The following CASP6 variants were observed in gnomAD, a reference collection of about 807,000 sequenced individuals.
CASP6 encodes caspase-6.
CASP6 carries 20 observed loss-of-function variants against 31.8 expected under a neutral mutation model. The observed-to-expected ratio is 0.63, with a 90% CI of 0.44 to 0.91. The LOEUF is 0.91. Ranked by LOEUF, CASP6 falls within the 40% of genes least tolerant of loss-of-function variation. The pLI is 0.00. For synonymous variants in CASP6, 130 were observed against 127.8 expected (o/e 1.02, Z -0.12); for missense variants, 328 against 361.1 (o/e 0.91, Z 0.74).
At chr4:109,669,976 T>G in the CASP6 span, among the ~76,000 whole-genome samples, 1 of 152,264 alleles carries the variant, frequency 6.6e-6, no homozygotes, top group African/African-American at 2.4e-5. Flanking sequence ...TTATTTCAAG[T>G]TGCTAGTCCG....
At chr4:109,677,261 G>A in the CASP6 span, among the ~76,000 whole-genome samples, 6 of 152,160 alleles carry the variant, frequency 3.9e-5, no homozygotes, top group Admixed American at 3.9e-4. Flanking sequence ...TCCAGCCATT[G>A]TATTTTGGAA....
At chr4:109,691,434 A>G (rs1730052638) in intron 5 of CASP6, among the ~76,000 whole-genome samples, 1 of 152,160 alleles carries the variant, frequency 6.6e-6, no homozygotes, top group Non-Finnish European at 1.5e-5. Context: ...GGCTGCTGCT[A>G]TAAATTGTTA....
intron 2 of CASP6, 88 bp from the exon 3 acceptor site, chr4:109,697,856 T>G (rs1730298806): frequency 1.4e-6 from 2 of 1,427,098 alleles, no homozygotes; most frequent in Non-Finnish European, 1.9e-6. Context: ...TAGATAGAGA[T>G]CTGAGCTTCC....
rs775217001 is a variant in CASP6 at position 109,703,346 on chromosome 4, C to G, written c.40+10G>C. ...ACCTGCTCGGTGCCCAGTCGACGCC[C>G]CCTGCCTACCTGCCGGGTGCCCCCT... On this transcript the variant is annotated intron_variant, in intron 1 of 6. Transcript: ENST00000265164. 31 of 1,608,070 alleles carry G rather than the reference C, an allele frequency of 1.9e-5. No homozygotes were observed. Among genetic ancestry groups the G allele is most frequent in the Non-Finnish European group, 2.5e-5 (30 of 1,177,738 alleles).
the CASP6 span, chr4:109,681,567 C>T: frequency 7.5e-6 from 3 of 398,928 alleles, no homozygotes; most frequent in South Asian, 5.6e-5. Context: ...GAATCTTGGG[C>T]CATGCAGTGT....
chr4:109,667,524 A>G, the CASP6 span, among the ~76,000 whole-genome samples: 1 of 151,160 alleles, frequency 6.6e-6, no homozygotes, highest in Non-Finnish European at 1.5e-5. Flanking sequence ...ATTTTTTCCA[A>G]AGAACTAGCT....
intron 5 of CASP6, among the ~76,000 whole-genome samples, chr4:109,693,825 G>C (rs1000311001): frequency 2.0e-5 from 3 of 150,494 alleles, no homozygotes; most frequent in African/African-American, 7.4e-5. Context: ...TACAGCCTCT[G>C]CCTCCCAGGT....
upstream of CASP6, among the ~76,000 whole-genome samples, chr4:109,706,011 T>A (rs1345901076): frequency 8.4e-5 from 7 of 83,504 alleles, no homozygotes; most frequent in African/African-American, 1.2e-4. Flanking sequence ...AATATATATA[T>A]ATATATATAT....
At chr4:109,665,582 T>G in the CASP6 span, among the ~76,000 whole-genome samples, 2 of 152,234 alleles carry the variant, frequency 1.3e-5, no homozygotes, top group African/African-American at 4.8e-5. Context: ...TTCATATACT[T>G]TAAATCTCTA....
chr4:109,709,616 A>G, the CASP6 span, among the ~76,000 whole-genome samples: 5 of 152,244 alleles, frequency 3.3e-5, no homozygotes, highest in Middle Eastern at 3.2e-3. Context: ...TTAAGGAGAT[A>G]GGCATTATTC....
At chr4:109,694,723 T>C (rs201248097) in intron 4 of CASP6, 23 bp from the exon 5 acceptor site, 13 of 1,484,952 alleles carry the variant, frequency 8.8e-6, no homozygotes, top group Non-Finnish European at 1.2e-5. Context: ...CAAAAGAGAA[T>C]ATAGAAATGA....
chr4:109,689,768 C>T (rs1260926890), intron 6 of CASP6, among the ~76,000 whole-genome samples, 200 bp from the exon 7 acceptor site: 5 of 152,058 alleles, frequency 3.3e-5, no homozygotes, highest in East Asian at 3.8e-4. Context: ...TTTATATACA[C>T]GGGGTTAATT....
chr4:109,696,220 T>C (rs993212744), intron 4 of CASP6, among the ~76,000 whole-genome samples, 190 bp downstream of exon 4: 2 of 152,212 alleles, frequency 1.3e-5, no homozygotes, highest in Non-Finnish European at 2.9e-5. Flanking sequence ...TTTAGAGGCA[T>C]AATTATTTGC....
intron 1 of CASP6, among the ~76,000 whole-genome samples, chr4:109,699,513 C>T (rs1445510648): frequency 6.6e-6 from 1 of 152,234 alleles, no homozygotes; most frequent in African/African-American, 2.4e-5. Context: ...CTAAGGCATC[C>T]TCTGTCTGTA....
At chr4:109,686,224 G>A (rs752424087), downstream of CASP6, among the ~76,000 whole-genome samples, 12 of 152,202 alleles carry the variant, frequency 7.9e-5, no homozygotes, top group East Asian at 3.9e-4. Flanking sequence ...TGCAACCTCC[G>A]CCTCCTGGGT....
At chr4:109,709,222 A>G in the CASP6 span, among the ~76,000 whole-genome samples, 6 of 152,162 alleles carry the variant, frequency 3.9e-5, no homozygotes, top group Non-Finnish European at 7.3e-5. Context: ...TAGAAATGCA[A>G]ATTCTCCTGT....
At chr4:109,703,470 T>TCGGCCCTTCCTCGGCGGCCCCGCCCC (rs1730499801), upstream of CASP6, 7 of 1,551,580 alleles carry the variant, frequency 4.5e-6, no homozygotes, top group Admixed American at 1.9e-5. Flanking sequence ...GGCCCCGCCC[T>TCGGCCCTTCCTCGGCGGCCCCGCCCC]CGGCCCTTCC....
Position 109,691,027 on chromosome 4 carries a change from A to G in CASP6, c.484-18T>C, listed in dbSNP as rs5030676. On this transcript the variant is annotated intron_variant, in intron 5 of 6. Coordinates refer to ENST00000265164, the MANE Select transcript of CASP6 (RefSeq NM_001226.4). Reference sequence around the variant, plus strand: ...CGACATGCCTACAAGACAAGGAGGAAAAACCCACCTCTTTGCCTACTGTTT... The same window carrying G: ...CGACATGCCTACAAGACAAGGAGGAGAAACCCACCTCTTTGCCTACTGTTT... 1.4e-3 allele frequency: 2,231 copies of G among 1,600,640 alleles called. 33 individuals carry two copies. The African/African-American group carries it at 0.026, about 18-fold the overall frequency.
intron 1 of CASP6, 147 bp downstream of exon 1, chr4:109,703,209 A>G: frequency 2.3e-6 from 2 of 869,488 alleles, no homozygotes; most frequent in Non-Finnish European, 3.5e-6. Context: ...TCAATCCAAG[A>G]GTGCAACTTC....
Sources: allele counts gnomAD v4.1 joint callset (sites outside exome capture counted in the v4.1 genomes callset), GRCh38; gene constraint gnomAD v4.1.1; transcripts MANE v1.5; gene names NCBI Gene and HGNC (gene_info 2026-07-23, HGNC 2026-07-21).